Variants in CCDC88C observed in about 807,000 individuals in gnomAD.
CCDC88C encodes the protein coiled-coil and HOOK domain protein 88C.
CCDC88C carries 131 observed loss-of-function variants against 198.8 expected under a neutral mutation model. The ratio of observed to expected loss-of-function variants is 0.66; its 90% confidence interval spans 0.57 to 0.76. The LOEUF (loss-of-function observed/expected upper bound fraction) is 0.76. Ranked by LOEUF, CCDC88C falls within the 30% of genes least tolerant of loss-of-function variation. The probability of loss-of-function intolerance (pLI) is 0.00; values close to 1 mark genes in which losing one functional copy is unlikely to be tolerated. For missense variants in CCDC88C, 2,553 were observed against 2,631.6 expected (o/e 0.97, Z 0.65); for synonymous variants, 1,166 against 1,114.7 (o/e 1.05, Z -0.92).
At chr14:91,401,630 T>A (rs964595961) in intron 3 of CCDC88C, among the ~76,000 whole-genome samples, 1 of 152,106 alleles carries the variant, frequency 6.6e-6, no homozygotes, top group Non-Finnish European at 1.5e-5. Flanking sequence ...CCACCGCACC[T>A]GGCCAGAAAA....
intron 18 of CCDC88C, 107 bp downstream of exon 18, chr14:91,306,931 A>T: frequency 8.0e-7 from 1 of 1,243,622 alleles, no homozygotes; most frequent in Non-Finnish European, 1.1e-6. Flanking sequence ...GATCTGGCTA[A>T]ATCTCCTGTG....
Position 91,417,813 on chromosome 14 carries a change from A to G in CCDC88C, c.-123T>C, listed in dbSNP as rs1887152539. 4.1e-6 allele frequency: 2 copies of G among 483,214 alleles called. No homozygotes were observed. Among genetic ancestry groups the G allele is most frequent in the Non-Finnish European group, 5.8e-6 (2 of 345,458 alleles). 29.9% of individuals were successfully genotyped at this position (483,214 alleles called of 1,614,324 possible). On this transcript the variant is annotated 5_prime_UTR_variant, in exon 1 of 30. Transcript: ENST00000389857. Reference sequence around the variant, plus strand: ...GGCTGCGGCGGCTCGCGCCCGGGAGACAAAGGCGGGGCGCGCGAGCCCACG... The same window carrying G: ...GGCTGCGGCGGCTCGCGCCCGGGAGGCAAAGGCGGGGCGCGCGAGCCCACG...
intron 2 of CCDC88C, among the ~76,000 whole-genome samples, chr14:91,414,407 C>T (rs918195600): frequency 6.6e-6 from 1 of 152,162 alleles, no homozygotes; most frequent in Non-Finnish European, 1.5e-5. Flanking sequence ...CTGTCCGATA[C>T]AGGCCAGGGT....
intron 13 of CCDC88C, among the ~76,000 whole-genome samples, chr14:91,318,807 AC>A (rs1214096790): frequency 6.7e-6 from 1 of 150,126 alleles, no homozygotes; most frequent in Non-Finnish European, 1.5e-5. Flanking sequence ...AATCCCAGCT[AC>A]TTGGGAGGCC....
intron 3 of CCDC88C, among the ~76,000 whole-genome samples, chr14:91,364,242 C>T (rs887869119): frequency 2.6e-5 from 4 of 152,194 alleles, no homozygotes; most frequent in Non-Finnish European, 5.9e-5. Flanking sequence ...AACCCCCTTC[C>T]GCAGAGCACA....
chr14:91,281,616 G>A, intron 26 of CCDC88C, 91 bp from the exon 27 acceptor site: 2 of 1,091,166 alleles, frequency 1.8e-6, no homozygotes, highest in Non-Finnish European at 2.8e-6. Context: ...CCGGATCCCA[G>A]TAGCTCCAGC....
Position 91,416,852 on chromosome 14 carries a change from G to T in CCDC88C, c.61-14C>A. ...AAAAGTTTTCACCTGCGGGGAGGGG[G>T]ACGAGGAGAGAAAGACAGGAAGTCA... On this transcript the variant is annotated splice_polypyrimidine_tract_variant and intron_variant, in intron 1 of 29. Coordinates refer to ENST00000389857, the MANE Select transcript of CCDC88C (RefSeq NM_001080414.4). 1.3e-6 allele frequency: 2 copies of T among 1,588,342 alleles called. No individual in the cohort carries two copies. The highest frequency in any genetic ancestry group is 1.7e-6 in the Non-Finnish European group (2 of 1,159,156).
At chr14:91,361,756 A>G (rs1242782476) in intron 3 of CCDC88C, among the ~76,000 whole-genome samples, 1 of 152,168 alleles carries the variant, frequency 6.6e-6, no homozygotes, top group East Asian at 1.9e-4. Flanking sequence ...GGAAAAGTCA[A>G]TGTGAAAAAA....
chr14:91,338,433 C>G lies in CCDC88C; in HGVS notation c.891+56G>C, dbSNP rs1450286967. ...GCTCCTGACCCTCCAGGCCCCGTTACTGGACACTCCAGCCCTGCTACCCCC... is the reference window on the plus strand; with the variant it reads ...GCTCCTGACCCTCCAGGCCCCGTTAGTGGACACTCCAGCCCTGCTACCCCC... On this transcript the variant is annotated intron_variant, in intron 9 of 29. Coordinates refer to ENST00000389857, the MANE Select transcript of CCDC88C (RefSeq NM_001080414.4). The surrounding 1 kb of genome is among the most constrained non-coding windows in gnomAD (Gnocchi z 4.8). 6.9e-7 allele frequency: 1 copy of G among 1,455,290 alleles called. No homozygotes were observed. The highest frequency in any genetic ancestry group is 9.4e-7 in the Non-Finnish European group (1 of 1,059,750). The allele number at this position is 1,455,290 out of a possible 1,614,324, so 90.1% of individuals were successfully genotyped here.
intron 3 of CCDC88C, among the ~76,000 whole-genome samples, chr14:91,403,158 T>C (rs1886306461): frequency 6.6e-6 from 1 of 152,204 alleles, no homozygotes; most frequent in African/African-American, 2.4e-5. Flanking sequence ...TTGCTGCCTC[T>C]GCACCTGGCG....
intron 14 of CCDC88C, 77 bp downstream of exon 14, chr14:91,315,573 C>G (rs1237116304): frequency 6.6e-7 from 1 of 1,516,988 alleles, no homozygotes; most frequent in Non-Finnish European, 9.1e-7. Context: ...AATACAGTAC[C>G]AGGAATGGCT....
At chr14:91,395,193 C>T (rs1885772445) in intron 3 of CCDC88C, among the ~76,000 whole-genome samples, 1 of 152,148 alleles carries the variant, frequency 6.6e-6, no homozygotes, top group Non-Finnish European at 1.5e-5. Flanking sequence ...TTTTCCATTT[C>T]TATTTGGATT....
chr14:91,359,307 C>G (rs1894194094), intron 4 of CCDC88C, among the ~76,000 whole-genome samples: 1 of 151,846 alleles, frequency 6.6e-6, no homozygotes, highest in Non-Finnish European at 1.5e-5. Flanking sequence ...CCAACTAATT[C>G]TTTGTATTTT....
Position 91,417,792 on chromosome 14 carries a change from G to T in CCDC88C, c.-102C>A. 1 of 705,496 alleles carries T rather than the reference G, an allele frequency of 1.4e-6. No individual in the cohort carries two copies. Among genetic ancestry groups the T allele is most frequent in the Non-Finnish European group, 1.9e-6 (1 of 535,416 alleles). The allele number at this position is 705,496 out of a possible 1,614,324, so 43.7% of individuals were successfully genotyped here. Reference sequence around the variant, plus strand: ...CGCAGCGAGCAGCGGGCGCGGGGCTGCGGCGGCTCGCGCCCGGGAGACAAA... The same window carrying T: ...CGCAGCGAGCAGCGGGCGCGGGGCTTCGGCGGCTCGCGCCCGGGAGACAAA... On this transcript the variant is annotated 5_prime_UTR_variant, in exon 1 of 30. Coordinates refer to ENST00000389857, the MANE Select transcript of CCDC88C (RefSeq NM_001080414.4).
At chr14:91,299,290 A>C (rs960266537) in intron 21 of CCDC88C, among the ~76,000 whole-genome samples, 9 of 152,174 alleles carry the variant, frequency 5.9e-5, no homozygotes, top group African/African-American at 2.2e-4. Flanking sequence ...AGGGACATGA[A>C]ACAGCACTTC....
intron 26 of CCDC88C, among the ~76,000 whole-genome samples, chr14:91,282,204 T>TC (rs1365959376): frequency 6.6e-6 from 1 of 152,008 alleles, no homozygotes; most frequent in African/African-American, 2.4e-5. Context: ...AGTGGGAGGG[T>TC]CCCTTGAGGT....
intron 4 of CCDC88C, among the ~76,000 whole-genome samples, chr14:91,350,973 A>T (rs557461067): frequency 6.6e-6 from 1 of 152,144 alleles, no homozygotes; most frequent in Admixed American, 6.5e-5. Context: ...CGGGTCCACC[A>T]CTACCTACCA....
At chr14:91,379,547 C>T (rs1884655899) in intron 3 of CCDC88C, 1 of 505,198 alleles carries the variant, frequency 2.0e-6, no homozygotes, top group African/African-American at 1.9e-5. Context: ...GTGTTTCTCA[C>T]TCCATGTTTA....
intron 3 of CCDC88C, among the ~76,000 whole-genome samples, chr14:91,366,439 T>C (rs1264066999): frequency 6.6e-6 from 1 of 152,120 alleles, no homozygotes; most frequent in Non-Finnish European, 1.5e-5. Context: ...TGAGCCGAGA[T>C]TGCGCCACTG....
Sources: allele counts gnomAD v4.1 joint callset (sites outside exome capture counted in the v4.1 genomes callset), GRCh38; gene constraint gnomAD v4.1.1; non-coding constraint Gnocchi (gnomAD v3.1); transcripts MANE v1.5; gene names NCBI Gene and HGNC (gene_info 2026-07-23, HGNC 2026-07-21).